The following SPINK13 variants were observed in gnomAD, a reference collection of about 807,000 sequenced individuals.
SPINK13 encodes the protein serine protease inhibitor Kazal-type 13.
SPINK13 carries 11 observed loss-of-function variants against 11.0 expected under a neutral mutation model. That is an observed-to-expected ratio of 1.00 (90% CI 0.63 to 1.65). The LOEUF (loss-of-function observed/expected upper bound fraction) is 1.65. Ranked by LOEUF, SPINK13 falls within the 40% of genes most tolerant of loss-of-function variation. The pLI, the probability that SPINK13 is intolerant of heterozygous loss-of-function variation, is 0.00. For missense variants in SPINK13, 113 were observed against 117.7 expected, an observed-to-expected ratio of 0.96 and a Z score of 0.19; for synonymous variants, 31 against 35.6, an observed-to-expected ratio of 0.87 and a Z score of 0.46.
At chr5:148,277,088 G>C (rs1405202075) in intron 3 of SPINK13, among the ~76,000 whole-genome samples, 1 of 152,082 alleles carries the variant, frequency 6.6e-6, no homozygotes, top group Non-Finnish European at 1.5e-5. Flanking sequence ...GCCTATTATT[G>C]GTGTATAGGA....
intron 2 of SPINK13, among the ~76,000 whole-genome samples, chr5:148,271,532 T>A (rs966888431): frequency 6.6e-6 from 1 of 152,156 alleles, no homozygotes; most frequent in African/African-American, 2.4e-5. Flanking sequence ...ATTCTTCTCA[T>A]GCTCTTATTT....
chr5:148,279,025 CT>C (rs1361132458), intron 3 of SPINK13, among the ~76,000 whole-genome samples: 2 of 144,474 alleles, frequency 1.4e-5, no homozygotes, highest in African/African-American at 5.1e-5. Context: ...TAATGGCCTT[CT>C]TTGTCTCTTG....
At chr5:148,272,492 C>T (rs1275819542) in intron 2 of SPINK13, among the ~76,000 whole-genome samples, 2 of 152,048 alleles carry the variant, frequency 1.3e-5, no homozygotes, top group Non-Finnish European at 2.9e-5. Flanking sequence ...TCTTTTTCCC[C>T]TAAATTGTTC....
At chr5:148,278,865 T>A (rs1756470947) in intron 3 of SPINK13, among the ~76,000 whole-genome samples, 1 of 152,206 alleles carries the variant, frequency 6.6e-6, no homozygotes, top group South Asian at 2.1e-4. Flanking sequence ...CAGTGGGGTG[T>A]TAAAGTCTTC....
chr5:148,283,784 A>G (rs1756551761), intron 4 of SPINK13, among the ~76,000 whole-genome samples: 1 of 152,186 alleles, frequency 6.6e-6, no homozygotes, highest in African/African-American at 2.4e-5. Flanking sequence ...TAGCTCTTCC[A>G]TGTAATATTT....
rs73795073 is a variant in SPINK13 at position 148,274,002 on chromosome 5, T to A, written c.71-345T>A. ...ATATCATATTTACTTTTTTAAATTT[T>A]AAAAATGCATGTAATTACCCCAATT... is the stretch of plus-strand genomic sequence containing the variant. On this transcript the variant is annotated intron_variant, in intron 2 of 4. Transcript: ENST00000398450. 4.2e-3 allele frequency among the ~76,000 whole-genome samples: 634 copies of A among 152,304 alleles called. 3 individuals carry two copies. The highest frequency in any genetic ancestry group is 0.013 in the African/African-American group (526 of 41,558).
chr5:148,285,784 T>C (rs990582417), intron 4 of SPINK13, among the ~76,000 whole-genome samples: 4 of 151,502 alleles, frequency 2.6e-5, no homozygotes, highest in Non-Finnish European at 5.9e-5. Flanking sequence ...ACATAAAAAA[T>C]GTCATAGGAC....
At chr5:148,284,152 T>G (rs1756557667) in intron 4 of SPINK13, among the ~76,000 whole-genome samples, 1 of 137,818 alleles carries the variant, frequency 7.3e-6, no homozygotes, top group Non-Finnish European at 1.5e-5. Context: ...AATTCCTTCC[T>G]TCTTTCCTTC....
intron 4 of SPINK13, among the ~76,000 whole-genome samples, chr5:148,283,733 A>G (rs141750477): frequency 3.9e-5 from 6 of 152,266 alleles, no homozygotes; most frequent in African/African-American, 1.4e-4. Flanking sequence ...TTGATTTCTT[A>G]GAAATGAGAT....
intron 1 of SPINK13, 52 bp from the exon 2 acceptor site, chr5:148,269,988 T>C: frequency 3.0e-6 from 4 of 1,342,808 alleles, no homozygotes; most frequent in Non-Finnish European, 4.3e-6. Flanking sequence ...TCTCTCACAT[T>C]GGAAAAGCTA....
At chr5:148,277,680 G>T (rs1756452350) in intron 3 of SPINK13, among the ~76,000 whole-genome samples, 1 of 152,206 alleles carries the variant, frequency 6.6e-6, no homozygotes, top group South Asian at 2.1e-4. Context: ...CAGTTTGCCA[G>T]TATTTTATTG....
intron 2 of SPINK13, among the ~76,000 whole-genome samples, chr5:148,271,494 A>T (rs574361303): frequency 2.0e-5 from 3 of 152,088 alleles, no homozygotes; most frequent in Non-Finnish European, 4.4e-5. Flanking sequence ...TTCTTACTTC[A>T]GTTTCAGTCA....
chr5:148,277,459 C>T (rs1407052920), intron 3 of SPINK13, among the ~76,000 whole-genome samples: 1 of 152,154 alleles, frequency 6.6e-6, no homozygotes, highest in African/African-American at 2.4e-5. Flanking sequence ...CAATCAATAC[C>T]TAGTTCATTG....
intron 3 of SPINK13, among the ~76,000 whole-genome samples, chr5:148,278,981 CTCT>C (rs1210523992): frequency 6.6e-6 from 1 of 151,610 alleles, no homozygotes; most frequent in Non-Finnish European, 1.5e-5. Context: ...GGATAGTTAG[CTCT>C]TCTTGTTGTA....
chr5:148,280,748 G>A (rs1176548586), intron 3 of SPINK13, among the ~76,000 whole-genome samples: 1 of 152,216 alleles, frequency 6.6e-6, no homozygotes, highest in Non-Finnish European at 1.5e-5. Context: ...TCCCCCTCAG[G>A]AGGCACGGGG....
At chr5:148,280,614 T>G (rs908323142) in intron 3 of SPINK13, among the ~76,000 whole-genome samples, 3 of 152,226 alleles carry the variant, frequency 2.0e-5, no homozygotes, top group Admixed American at 1.3e-4. Context: ...CAGTAGAGGC[T>G]GCAGAACAGC....
chr5:148,285,948 C>A, intron 4 of SPINK13, 52 bp from the exon 5 acceptor site: 1 of 1,080,624 alleles, frequency 9.3e-7, no homozygotes, highest in South Asian at 1.5e-5. Flanking sequence ...CATTCAATAC[C>A]AATGTTCACT....
intron 2 of SPINK13, 36 bp from the exon 3 acceptor site, chr5:148,274,311 T>G: frequency 1.3e-6 from 2 of 1,549,238 alleles, no homozygotes; most frequent in Non-Finnish European, 1.8e-6. Flanking sequence ...GGAGAACTAT[T>G]TCCTTTAACT....
At chr5:148,276,584 G>C in intron 3 of SPINK13, among the ~76,000 whole-genome samples, 1 of 152,106 alleles carries the variant, frequency 6.6e-6, no homozygotes, top group East Asian at 1.9e-4. Context: ...TTTTTGTCAG[G>C]TTTGTCAAAG....
Sources: gnomAD v4.1 joint callset for allele counts (sites outside exome capture counted in the v4.1 genomes callset) on GRCh38, gnomAD v4.1.1 for gene constraint, MANE v1.5 for transcripts, NCBI Gene and HGNC (gene_info 2026-07-23, HGNC 2026-07-21) for gene names.